Variants in NUP155 observed in about 807,000 individuals in gnomAD.
NUP155 encodes the protein nuclear pore complex protein Nup155.
In NUP155, 71 loss-of-function variants were observed where a neutral mutation model predicts 180.4. The ratio of observed to expected loss-of-function variants is 0.39; its 90% CI spans 0.33 to 0.48. NUP155 has a LOEUF of 0.48. NUP155 is among the 20% of genes least tolerant of loss of function. NUP155 has a pLI of 0.91. For synonymous variants in NUP155, 582 were observed against 559.5 expected, an observed-to-expected ratio of 1.04 and a Z score of -0.57; for missense variants, 1,553 against 1,648.9, an observed-to-expected ratio of 0.94 and a Z score of 1.01.
chr5:37,351,431 A>T (rs377141433), intron 5 of NUP155, 75 bp from the exon 6 acceptor site: 2 of 1,059,460 alleles, frequency 1.9e-6, no homozygotes. Flanking sequence ...TTATCATCAG[A>T]ATCTATATGT....
At chr5:37,347,631 G>A (rs150853303) in intron 9 of NUP155, among the ~76,000 whole-genome samples, 1 of 150,370 alleles carries the variant, frequency 6.7e-6, no homozygotes, top group Non-Finnish European at 1.5e-5. Flanking sequence ...GGGAGACAGA[G>A]GTTGCAGTGA....
At chr5:37,366,694 C>G (rs950795104) in intron 1 of NUP155, among the ~76,000 whole-genome samples, 1 of 147,836 alleles carries the variant, frequency 6.8e-6, no homozygotes, top group South Asian at 2.1e-4. Flanking sequence ...CGGAGTCTCA[C>G]AGGCTGGAGT....
At chr5:37,356,249 A>G (rs1746823680) in intron 4 of NUP155, among the ~76,000 whole-genome samples, 1 of 147,512 alleles carries the variant, frequency 6.8e-6, no homozygotes, top group South Asian at 2.2e-4. Flanking sequence ...AAAAAAAAAT[A>G]GAGATTTGGC....
intron 23 of NUP155, 120 bp from the exon 24 acceptor site, chr5:37,309,387 C>T (rs1743383941): frequency 1.2e-6 from 1 of 830,014 alleles, no homozygotes; most frequent in East Asian, 2.7e-5. Context: ...AAAATGAAAA[C>T]AACTCTACAA....
intron 9 of NUP155, among the ~76,000 whole-genome samples, chr5:37,344,682 G>C (rs1056299464): frequency 1.3e-5 from 2 of 151,452 alleles, no homozygotes; most frequent in African/African-American, 4.9e-5. Context: ...ATAAAAGCTG[G>C]CCAACATGGT....
intron 1 of NUP155, among the ~76,000 whole-genome samples, chr5:37,365,734 A>ATATATAT (rs1561818726): frequency 4.6e-5 from 2 of 43,896 alleles, no homozygotes; most frequent in African/African-American, 1.5e-4. Context: ...AAAAAAAAAA[A>ATATATAT]AAAAATATAT....
At chr5:37,324,293 A>T (rs1027554596) in intron 19 of NUP155, among the ~76,000 whole-genome samples, 186 bp from the exon 20 acceptor site, 3 of 152,224 alleles carry the variant, frequency 2.0e-5, no homozygotes, top group African/African-American at 7.2e-5. Context: ...CATAACTAAC[A>T]TACAATAAAA....
At position 37,302,868 on chromosome 5, in the gene NUP155, G is replaced by C. The variant is rs749740931; in HGVS notation, c.3358C>G (p.Arg1120Gly). The change falls in exon 29 of 35, where the codon CGA becomes GGA. Residue 1120 changes from arginine to glycine, a missense_variant. Arg to Gly is a moderately radical substitution (Grantham distance 125). Transcript: ENST00000231498. ...GAACTTTTGGCACTAAGAATGGCTC[G>C]AGCAATGTACTCTAGTCGCTGCTGA... ...SLQQRLEYIA[R>G]AILSAKSSTA... The C allele has an allele frequency of 4.3e-6, 7 of 1,613,386 alleles. No individual in the cohort carries two copies. Among genetic ancestry groups the C allele is most frequent in the Admixed American group, 1.7e-5 (1 of 59,966 alleles).
intron 14 of NUP155, 117 bp downstream of exon 14, chr5:37,331,568 C>A (rs1387315958): frequency 7.8e-6 from 4 of 509,744 alleles, no homozygotes; most frequent in Admixed American, 7.2e-5. Context: ...GAGCGAAACT[C>A]CATCTCAAAA....
rs201167612 is a variant in NUP155 at position 37,317,688 on chromosome 5, C to T, written c.2305+300G>A. Among the ~76,000 whole-genome samples the T allele has an allele frequency of 9.1e-5, 12 of 131,294 alleles. No individual in the cohort carries two copies. In the East Asian group the frequency reaches 1.3e-3, roughly 15 times the overall value. 86.1% of individuals were successfully genotyped at this position (131,294 alleles called of 152,430 possible). The stretch of plus-strand genomic sequence containing the variant: ...ATATTATCCTACTTTCCCAATCACA[C>T]TTTTTTTTTTTTTTTTTGAGGCAGG... On this transcript the variant is annotated intron_variant, in intron 21 of 34. Transcript: ENST00000231498.
intron 13 of NUP155, 62 bp downstream of exon 13, chr5:37,333,401 A>G: frequency 2.1e-6 from 3 of 1,425,796 alleles, no homozygotes; most frequent in South Asian, 2.3e-5. Flanking sequence ...ACTTCAGAGA[A>G]CTTGACAAAA....
chr5:37,349,511 G>A (rs1746326913), intron 7 of NUP155, among the ~76,000 whole-genome samples: 2 of 152,080 alleles, frequency 1.3e-5, no homozygotes. Context: ...TCCTCTAAAT[G>A]AATTTTAAGC....
At chr5:37,307,942 GAA>G (rs34228665) in intron 24 of NUP155, among the ~76,000 whole-genome samples, 34,001 of 135,778 alleles carry the variant, frequency 0.25, 5,361 homozygotes, top group African/African-American at 0.47. Flanking sequence ...AAAGAAAAAG[GAA>G]AAAAAAAAAT....
At chr5:37,359,152 T>C (rs1003365291) in intron 3 of NUP155, among the ~76,000 whole-genome samples, 2 of 149,360 alleles carry the variant, frequency 1.3e-5, no homozygotes, top group Non-Finnish European at 3.0e-5. Context: ...TATATATATA[T>C]ATAACTTTTT....
intron 9 of NUP155, 29 bp downstream of exon 9, chr5:37,348,476 G>A: frequency 7.4e-7 from 1 of 1,342,524 alleles, no homozygotes; most frequent in Middle Eastern, 1.8e-4. Context: ...GCCTGCAAAT[G>A]AAATGCTTAA....
Position 37,304,840 on chromosome 5 carries a change from C to A in NUP155, c.3061G>T (p.Glu1021Ter). The part of the protein sequence containing the change: ...LSNEEAGHHF[E>*]QMLKLSQRSK... ...CGCTGTGACAATTTAAGCATTTGTT[C>A]AAACTAAAATAAAGAAAATAGTAAA... The change falls in exon 27 of 35, where the codon GAA becomes TAA. Residue 1021 changes from glutamate (E) to a stop codon, truncating the protein, a stop_gained. Transcript: ENST00000231498. LOFTEE classifies it high-confidence loss of function. 2 of 1,612,878 alleles carry A rather than the reference C, an allele frequency of 1.2e-6. No individual in the cohort carries two copies. Among genetic ancestry groups the A allele is most frequent in the South Asian group, 2.2e-5 (2 of 91,002 alleles).
chr5:37,339,979 C>G (rs982650600), intron 11 of NUP155, among the ~76,000 whole-genome samples: 2 of 152,116 alleles, frequency 1.3e-5, no homozygotes, highest in Non-Finnish European at 2.9e-5. Context: ...CCAGGCTGGT[C>G]TTGAACTGAT....
chr5:37,325,337 C>T (rs1221335704), intron 19 of NUP155, among the ~76,000 whole-genome samples: 1 of 152,110 alleles, frequency 6.6e-6, no homozygotes, highest in East Asian at 1.9e-4. Flanking sequence ...ATATACTACG[C>T]CCCTTCTTTT....
At chr5:37,324,144 A>T in intron 19 of NUP155, 37 bp from the exon 20 acceptor site, 1 of 1,255,702 alleles carries the variant, frequency 8.0e-7, no homozygotes, top group Non-Finnish European at 1.2e-6. Context: ...GTTTAAAAAC[A>T]CACCCTCTGT....
Sources: gnomAD v4.1 joint callset for allele counts (sites outside exome capture counted in the v4.1 genomes callset) on GRCh38, gnomAD v4.1.1 for gene constraint, MANE v1.5 for transcripts, NCBI Gene and HGNC (gene_info 2026-07-23, HGNC 2026-07-21) for gene names.